PIEZO2: variants seen among roughly 807,000 people sequenced by gnomAD.
The protein encoded by PIEZO2 is piezo type mechanosensitive ion channel component 2, also known as piezo-type mechanosensitive ion channel component 2.
Under a neutral mutation model 337.3 loss-of-function variants are expected in PIEZO2, and 172 were observed. That is an observed-to-expected ratio of 0.51 (90% CI 0.45 to 0.58). The LOEUF (loss-of-function observed/expected upper bound fraction) is 0.58. Among genes scored for constraint, PIEZO2 ranks in the 20% least tolerant of loss-of-function variants. The probability of loss-of-function intolerance (pLI) is 0.00; values close to 1 mark genes in which losing one functional copy is unlikely to be tolerated. For missense variants in PIEZO2, 3,028 were observed against 3,391.3 expected (o/e 0.89, Z 2.66); for synonymous variants, 1,251 against 1,228.5 (o/e 1.02, Z -0.38).
chr18:10,992,853 A>T (rs2035160789), intron 2 of PIEZO2, among the ~76,000 whole-genome samples: 1 of 152,134 alleles, frequency 6.6e-6, no homozygotes, highest in Admixed American at 6.5e-5. Flanking sequence ...GATTCTTCCT[A>T]TCCATGAGCA....
In PIEZO2 at chr18:10,761,078, CAAAGGCCAGGA is replaced by C; in HGVS notation, c.3272_3282del (p.Ile1091ArgfsTer16). The C allele has an allele frequency of 6.5e-7, 1 of 1,537,200 alleles. No individual in the cohort carries two copies. ...TCCTGATGGCGGTAAATGGTGACTT[CAAAGGCCAGGA>C]TAGCCAGCATCAGGAGGTTATTCTA... On this transcript the variant is annotated frameshift_variant, in exon 24 of 56. Coordinates refer to ENST00000674853, the MANE Select transcript of PIEZO2 (RefSeq NM_001378183.1). LOFTEE classifies it high-confidence loss of function.
rs1363030163 is a variant in PIEZO2, at chr18:11,099,614, C to T, written c.65-33392G>A. 6.6e-6 allele frequency among the ~76,000 whole-genome samples: 1 copy of T among 152,148 alleles called. No individual in the cohort carries two copies. The highest frequency in any genetic ancestry group is 2.4e-5 in the African/African-American group (1 of 41,452). ...CCCGAGTAGCGGGGATCACAGGTGC[C>T]TGCCACCATGCCTAGCTAATTTTTG... On this transcript the variant is annotated intron_variant, in intron 1 of 55. Transcript: ENST00000674853. This position sits in a 1 kb window ranked among gnomAD's most constrained non-coding sequence, Gnocchi z 5.4.
rs528384747 is a variant in PIEZO2 at position 10,902,152 on chromosome 18, T to C, written c.329+9034A>G. ...AGGTTGCATGCTCCTTATGAGAAGC[T>C]AATGCCTGCTGATCTGAGGTGGAAC... On this transcript the variant is annotated intron_variant, in intron 4 of 55. Coordinates refer to ENST00000674853, the MANE Select transcript of PIEZO2 (RefSeq NM_001378183.1). Among the ~76,000 whole-genome samples the C allele has an allele frequency of 2.0e-4, 30 of 152,348 alleles. No homozygotes were observed. The South Asian group carries it at 3.7e-3, about 19-fold the overall frequency.
At chr18:10,916,512 C>A (rs1271179871) in intron 3 of PIEZO2, among the ~76,000 whole-genome samples, 1 of 152,180 alleles carries the variant, frequency 6.6e-6, no homozygotes, top group East Asian at 1.9e-4. Flanking sequence ...TCCCCCTCCA[C>A]ACCTGCTGGC....
chr18:10,839,482 A>G (rs2041124161), intron 7 of PIEZO2, among the ~76,000 whole-genome samples: 1 of 152,192 alleles, frequency 6.6e-6, no homozygotes, highest in South Asian at 2.1e-4. Flanking sequence ...GGTTTTTGGC[A>G]ACTAGCTCTG....
Position 11,038,909 on chromosome 18 carries a change from G to A in PIEZO2, c.160+27218C>T, listed in dbSNP as rs1169189113. ...TTTAAGATAAAAAAGAAGACAGTAA[G>A]AATCATGATTTTGAAACCACTGTAG... On this transcript the variant is annotated intron_variant, in intron 2 of 55. Transcript: ENST00000674853. The surrounding 1 kb of genome is among the most constrained non-coding windows in gnomAD (Gnocchi z 4.1). Among the ~76,000 whole-genome samples the A allele has an allele frequency of 6.6e-6, 1 of 152,124 alleles. No individual in the cohort carries two copies. Among genetic ancestry groups the A allele is most frequent in the African/African-American group, 2.4e-5 (1 of 41,432 alleles).
chr18:10,874,927 A>T (rs770697173), intron 4 of PIEZO2, among the ~76,000 whole-genome samples: 22 of 152,184 alleles, frequency 1.4e-4, no homozygotes, highest in Non-Finnish European at 2.5e-4. Flanking sequence ...ATTATTAATA[A>T]TAGTTTATTA....
intron 4 of PIEZO2, among the ~76,000 whole-genome samples, chr18:10,886,135 C>G (rs1377664982): frequency 1.3e-5 from 2 of 150,318 alleles, no homozygotes; most frequent in Non-Finnish European, 3.0e-5. Flanking sequence ...AGTGGAAGCT[C>G]AGTCCATATT....
At chr18:10,765,390 T>C (rs971950733) in intron 21 of PIEZO2, among the ~76,000 whole-genome samples, 1 of 152,038 alleles carries the variant, frequency 6.6e-6, no homozygotes, top group Non-Finnish European at 1.5e-5. Flanking sequence ...AAAGGTGAAG[T>C]GGTGTGGGCT....
chr18:11,122,188 C>T (rs868772890), intron 1 of PIEZO2, among the ~76,000 whole-genome samples: 1 of 152,294 alleles, frequency 6.6e-6, no homozygotes, highest in Middle Eastern at 3.4e-3. Flanking sequence ...ATCTCCTCAC[C>T]TCATGATCCA....
In PIEZO2 at chr18:10,671,404, C is replaced by T. The variant is rs1409025941; in HGVS notation, c.*123G>A. The T allele has an allele frequency of 9.4e-7, 1 of 1,069,460 alleles. No individual in the cohort carries two copies. Among genetic ancestry groups the T allele is most frequent in the African/African-American group, 1.6e-5 (1 of 62,088 alleles). The allele number at this position is 1,069,460 out of a possible 1,614,324, so 66.2% of individuals were successfully genotyped here. Reference sequence around the variant, plus strand: ...GCAGAAGGATATCAGCTCCTTTTGTCTACCTATCAGAAGAGAAACAAACCA... The same window carrying T: ...GCAGAAGGATATCAGCTCCTTTTGTTTACCTATCAGAAGAGAAACAAACCA... On this transcript the variant is annotated 3_prime_UTR_variant, in exon 56 of 56. Coordinates refer to ENST00000674853, the MANE Select transcript of PIEZO2 (RefSeq NM_001378183.1).
rs1215606575 is a variant in PIEZO2 at position 11,149,324 on chromosome 18, G to A, written c.-736C>T. ...ACGGGGCTCGCCTTGTGGGTCCGGT[G>A]CGCGGGCGGCGCTGCGAGTCCCTCC... On this transcript the variant is annotated 5_prime_UTR_variant, in exon 1 of 56. Coordinates refer to ENST00000674853, the MANE Select transcript of PIEZO2 (RefSeq NM_001378183.1). This position sits in a 1 kb window ranked among gnomAD's most constrained non-coding sequence, Gnocchi z 8.7. Among the ~76,000 whole-genome samples the A allele has an allele frequency of 6.6e-6, 1 of 151,640 alleles. No homozygotes were observed. Among genetic ancestry groups the A allele is most frequent in the African/African-American group, 2.4e-5 (1 of 41,294 alleles).
At chr18:10,913,085 G>T (rs2030624950) in intron 3 of PIEZO2, among the ~76,000 whole-genome samples, 1 of 152,030 alleles carries the variant, frequency 6.6e-6, no homozygotes, top group Admixed American at 6.6e-5. Flanking sequence ...AAACAATTAA[G>T]AATCCCTTTC....
Position 10,704,597 on chromosome 18 carries a change from G to C in PIEZO2, c.6055C>G (p.Arg2019Gly), listed in dbSNP as rs764171255. 1.3e-6 allele frequency: 2 copies of C among 1,537,138 alleles called. No homozygotes were observed. The highest frequency in any genetic ancestry group is 2.0e-5 in the Admixed American group (1 of 50,990). ...ESEKFYVGQP[R>G]FLLLFYAMYN... ...ATGGCATAGAAGAGCAGCAGAAATC[G>C]GGGCTGCCCCACGTAGAATTTCTCT... The change falls in exon 42 of 56, where the codon CGA (arginine) becomes GGA (glycine). Residue 2019 changes from arginine to glycine, a missense_variant. Around this residue, in one of 5 missense-constraint regions of PIEZO2, gnomAD observed 1,925 missense variants for 2,051.9 expected, o/e 0.94. Transcript: ENST00000674853.
At chr18:10,703,161 C>A (rs2035415777) in intron 42 of PIEZO2, among the ~76,000 whole-genome samples, 1 of 152,182 alleles carries the variant, frequency 6.6e-6, no homozygotes, top group Admixed American at 6.5e-5. Context: ...AAGGTGAAAT[C>A]TATACAAGAA....
At chr18:10,981,778 G>A (rs144593872) in intron 2 of PIEZO2, among the ~76,000 whole-genome samples, 1 of 152,332 alleles carries the variant, frequency 6.6e-6, no homozygotes, top group Non-Finnish European at 1.5e-5. Flanking sequence ...GCAGGCAGAG[G>A]AATGTGGAAG....
chr18:10,938,453 G>A (rs961234012), intron 3 of PIEZO2, among the ~76,000 whole-genome samples: 1 of 152,182 alleles, frequency 6.6e-6, no homozygotes, highest in African/African-American at 2.4e-5. Context: ...GGAGCTAGAT[G>A]GAGGAAGGAA....
At chr18:10,995,488 A>G (rs1014751709) in intron 2 of PIEZO2, among the ~76,000 whole-genome samples, 1 of 152,128 alleles carries the variant, frequency 6.6e-6, no homozygotes, top group Non-Finnish European at 1.5e-5. Context: ...ATAAAACTCT[A>G]CTTTGGTGGT....
intron 7 of PIEZO2, among the ~76,000 whole-genome samples, chr18:10,836,464 G>A (rs1598558215): frequency 6.6e-6 from 1 of 152,124 alleles, no homozygotes; most frequent in Non-Finnish European, 1.5e-5. Flanking sequence ...CTTGCTCAAG[G>A]TCACTTACTA....
Sources: allele counts gnomAD v4.1 joint callset (sites outside exome capture counted in the v4.1 genomes callset), GRCh38; gene constraint gnomAD v4.1.1; regional missense constraint gnomAD v4.1.1; non-coding constraint Gnocchi (gnomAD v3.1); transcripts MANE v1.5; gene names NCBI Gene and HGNC (gene_info 2026-07-23, HGNC 2026-07-21).